Variants in FRMD6 observed in about 807,000 individuals in gnomAD.
FRMD6 encodes the protein FERM domain containing 6.
FRMD6 carries 37 observed loss-of-function variants against 73.2 expected under a neutral mutation model. That is an observed-to-expected ratio of 0.51 (90% CI 0.39 to 0.66). The LOEUF (loss-of-function observed/expected upper bound fraction) is 0.66. Ranked by LOEUF, FRMD6 falls within the 30% of genes least tolerant of loss-of-function variation. The pLI, the probability that FRMD6 is intolerant of heterozygous loss-of-function variation, is 0.00. For missense variants in FRMD6, 714 were observed against 780.5 expected (o/e 0.91, Z 1.02); for synonymous variants, 273 against 282.2 (o/e 0.97, Z 0.33).
At chr14:51,708,003 A>G in intron 6 of FRMD6, 75 bp from the exon 7 acceptor site, 4 of 1,417,326 alleles carry the variant, frequency 2.8e-6, no homozygotes, top group Non-Finnish European at 3.9e-6. Context: ...TCATTCTTTC[A>G]TCATTTTGGG....
intron 1 of FRMD6, among the ~76,000 whole-genome samples, chr14:51,560,637 A>G (rs1034317700): frequency 1.3e-5 from 2 of 152,194 alleles, no homozygotes; most frequent in Non-Finnish European, 1.5e-5. Context: ...GGCATGTGCC[A>G]CCATACCCGG....
chr14:51,433,087 T>C, the FRMD6 span, among the ~76,000 whole-genome samples: 767 of 152,364 alleles, frequency 5.0e-3, 1 homozygote, highest in Non-Finnish European at 7.6e-3. Context: ...CATGCATTTC[T>C]GGTAGGATGT....
chr14:51,557,251 T>G (rs1434272871), intron 1 of FRMD6, among the ~76,000 whole-genome samples: 3 of 108,122 alleles, frequency 2.8e-5, no homozygotes, highest in Non-Finnish European at 5.8e-5. Flanking sequence ...GTGACATATA[T>G]ATATATATAT....
rs189868157 is a variant in FRMD6, at chr14:51,616,259, G to C, written c.-147+45849G>C. Among the ~76,000 whole-genome samples, 534 of 152,250 alleles carry C rather than the reference G, an allele frequency of 3.5e-3. 8 individuals carry two copies. The highest frequency in any genetic ancestry group is 5.6e-3 in the Admixed American group (86 of 15,292). On this transcript the variant is annotated intron_variant, in intron 2 of 14. Coordinates refer to the FRMD6 transcript ENST00000356218. ...AATCCTCGGCTGTACACTTACCGGGGTTATCTAGGGAGCTTTAAAAAAGTA... is the reference window on the plus strand; with the variant it reads ...AATCCTCGGCTGTACACTTACCGGGCTTATCTAGGGAGCTTTAAAAAAGTA...
intron 2 of FRMD6, among the ~76,000 whole-genome samples, chr14:51,603,535 T>G (rs752477558): frequency 7.9e-5 from 12 of 152,148 alleles, no homozygotes; most frequent in Non-Finnish European, 1.2e-4. Context: ...CGAAAAACTT[T>G]CCTTTGATAC....
intron 2 of FRMD6, among the ~76,000 whole-genome samples, chr14:51,692,561 A>G (rs1289542680): frequency 6.6e-6 from 1 of 152,166 alleles, no homozygotes; most frequent in African/African-American, 2.4e-5. Context: ...CTAATCTGAC[A>G]GTGAAGAATA....
chr14:51,718,536 T>G (rs569159625), intron 10 of FRMD6, among the ~76,000 whole-genome samples: 1 of 152,366 alleles, frequency 6.6e-6, no homozygotes, highest in South Asian at 2.1e-4. Context: ...CCACAGTGAA[T>G]AAAAACTACA....
chr14:51,397,928 A>T, the FRMD6 span, among the ~76,000 whole-genome samples: 1 of 152,192 alleles, frequency 6.6e-6, no homozygotes, highest in Non-Finnish European at 1.5e-5. Flanking sequence ...AATATTCGAA[A>T]ACCCAAAAGT....
chr14:51,661,386 T>G (rs1288287264), intron 1 of FRMD6, among the ~76,000 whole-genome samples: 1 of 152,166 alleles, frequency 6.6e-6, no homozygotes, highest in African/African-American at 2.4e-5. Context: ...ATTAAGTGTC[T>G]CCATTCCTTG....
At chr14:51,719,930 A>T in intron 10 of FRMD6, 125 bp from the exon 11 acceptor site, 1 of 696,780 alleles carries the variant, frequency 1.4e-6, no homozygotes, top group Non-Finnish European at 2.4e-6. Context: ...TATCTAAATT[A>T]TTACTACTTT....
chr14:51,708,146 A>G lies in FRMD6; in HGVS notation c.627A>G (p.Ala209=), dbSNP rs767919785. Residue 209 remains alanine (A), a synonymous_variant, in exon 7 of 14, where the codon GCA becomes GCG. Coordinates refer to ENST00000344768, the MANE Select transcript of FRMD6 (RefSeq NM_001267046.2). ...CAAACATGCACAAAGATCAGTTTGC[A>G]CTAACAGCTTCCGAAGCTCATCTTA... ...HIPNMHKDQF[A]LTASEAHLKY... 1.9e-6 allele frequency: 3 copies of G among 1,613,360 alleles called. No homozygotes were observed. Among genetic ancestry groups the G allele is most frequent in the Middle Eastern group, 1.7e-4 (1 of 6,054 alleles).
intron 1 of FRMD6, among the ~76,000 whole-genome samples, chr14:51,677,090 T>C (rs547065146): frequency 3.8e-4 from 58 of 152,254 alleles, no homozygotes; most frequent in African/African-American, 9.6e-4. Context: ...TTTTCACTGC[T>C]TAATTGTTTT....
At chr14:51,522,843 T>A (rs947958289) in intron 1 of FRMD6, 1 of 152,188 alleles carries the variant, frequency 6.6e-6, no homozygotes, top group Admixed American at 6.5e-5. Context: ...ATGCAAGACA[T>A]AATATAAACT....
At chr14:51,478,601 T>C in the FRMD6 span, among the ~76,000 whole-genome samples, 1 of 152,196 alleles carries the variant, frequency 6.6e-6, no homozygotes, top group Non-Finnish European at 1.5e-5. Context: ...AGTTCTTCCA[T>C]ATGGTGTTCC....
intron 2 of FRMD6, among the ~76,000 whole-genome samples, chr14:51,634,578 A>G (rs1891471230): frequency 6.6e-6 from 1 of 152,182 alleles, no homozygotes; most frequent in African/African-American, 2.4e-5. Flanking sequence ...GGAAATCCAA[A>G]CAAATTTTCA....
chr14:51,414,249 A>G, the FRMD6 span, among the ~76,000 whole-genome samples: 2 of 152,144 alleles, frequency 1.3e-5, no homozygotes, highest in Non-Finnish European at 2.9e-5. Flanking sequence ...CCTGAATGGT[A>G]TTGCCTAGGT....
At chr14:51,553,556 GA>G (rs1458683268) in intron 1 of FRMD6, among the ~76,000 whole-genome samples, 1 of 152,166 alleles carries the variant, frequency 6.6e-6, no homozygotes, top group Non-Finnish European at 1.5e-5. Flanking sequence ...TGGTTATTAA[GA>G]AAGGGTCCTC....
chr14:51,433,020 C>T, the FRMD6 span, among the ~76,000 whole-genome samples: 121 of 152,326 alleles, frequency 7.9e-4, 1 homozygote, highest in East Asian at 0.019. Context: ...CACTGAGATA[C>T]GATTTCTTGC....
In FRMD6 at chr14:51,729,284, T is replaced by C. The variant is rs1898141945; in HGVS notation, c.*1255T>C. The C allele has an allele frequency of 1.3e-5, 2 of 152,250 alleles. No homozygotes were observed. The highest frequency in any genetic ancestry group is 1.3e-4 in the Admixed American group (2 of 15,278). 9.4% of individuals were successfully genotyped at this position (152,250 alleles called of 1,614,324 possible). A position where few individuals can be genotyped will look rare whatever the true frequency, so the allele number is the denominator to read the frequency against. Reference sequence around the variant, plus strand: ...CAGATGGAGCTAATATGCAACAAAGTTGAAAACCACTGATCCTGGGGGTGT... The same window carrying C: ...CAGATGGAGCTAATATGCAACAAAGCTGAAAACCACTGATCCTGGGGGTGT... On this transcript the variant is annotated 3_prime_UTR_variant, in exon 14 of 14. Coordinates refer to ENST00000344768, the MANE Select transcript of FRMD6 (RefSeq NM_001267046.2).
Sources: gnomAD v4.1 joint callset for allele counts (sites outside exome capture counted in the v4.1 genomes callset) on GRCh38, gnomAD v4.1.1 for gene constraint, MANE v1.5 for transcripts, NCBI Gene and HGNC (gene_info 2026-07-23, HGNC 2026-07-21) for gene names.